PACSIN2: variants seen among roughly 807,000 people sequenced by gnomAD.
The protein encoded by PACSIN2 is protein kinase C and casein kinase substrate in neurons 2, also known as protein kinase C and casein kinase substrate in neurons protein 2.
In PACSIN2, 25 loss-of-function variants were observed where a neutral mutation model predicts 63.8. The ratio of observed to expected loss-of-function variants is 0.39; its 90% CI spans 0.29 to 0.55. PACSIN2 has a LOEUF of 0.55. Among genes scored for constraint, PACSIN2 ranks in the 20% least tolerant of loss-of-function variants. The pLI, the probability that PACSIN2 is intolerant of heterozygous loss-of-function variation, is 0.62. For synonymous variants in PACSIN2, 255 were observed against 256.2 expected (o/e 1.00, Z 0.05); for missense variants, 518 against 646.9 (o/e 0.80, Z 2.16).
chr22:42,953,598 T>C (rs969194394), intron 1 of PACSIN2, among the ~76,000 whole-genome samples: 6 of 152,150 alleles, frequency 3.9e-5, no homozygotes, highest in Admixed American at 6.5e-5. Flanking sequence ...CAGCTACAAT[T>C]TGAGAGCTAT....
chr22:42,955,851 G>A (rs1357051501), intron 1 of PACSIN2, among the ~76,000 whole-genome samples: 10 of 152,150 alleles, frequency 6.6e-5, no homozygotes, highest in Admixed American at 6.5e-4. Flanking sequence ...TACGCCCTGT[G>A]CTATTTTTTC....
In PACSIN2 at chr22:42,961,416, C is replaced by T. The variant is rs564400377; in HGVS notation, c.-77-49259G>A. Among the ~76,000 whole-genome samples the T allele has an allele frequency of 8.7e-5, 13 of 149,848 alleles. No individual in the cohort carries two copies. In the South Asian group the frequency reaches 2.5e-3, roughly 29 times the overall value. On this transcript the variant is annotated intron_variant, in intron 1 of 10. Coordinates refer to ENST00000263246, the MANE Select transcript of PACSIN2 (RefSeq NM_001184970.3). The stretch of plus-strand genomic sequence containing the variant: ...TTGTCCTATGACCCTGCCAAATCCC[C>T]CTCTGTGAGAAACACCCAAGAATGA...
At chr22:42,891,551 C>T (rs917014531) in intron 3 of PACSIN2, among the ~76,000 whole-genome samples, 1 of 152,150 alleles carries the variant, frequency 6.6e-6, no homozygotes, top group Admixed American at 6.5e-5. Context: ...CAGGTGCCCG[C>T]CACCACGCCT....
chr22:42,949,477 C>A (rs778514602), intron 1 of PACSIN2, among the ~76,000 whole-genome samples: 25 of 152,198 alleles, frequency 1.6e-4, no homozygotes, highest in Non-Finnish European at 2.1e-4. Context: ...CGCACACACA[C>A]ACACATTTTG....
At chr22:42,988,331 G>C (rs1922779725) in intron 1 of PACSIN2, among the ~76,000 whole-genome samples, 1 of 152,218 alleles carries the variant, frequency 6.6e-6, no homozygotes, top group Admixed American at 6.5e-5. Flanking sequence ...GGATGTGTGA[G>C]TGAGGGGTGG....
At chr22:42,886,415 T>TGTAG (rs78395694) in intron 5 of PACSIN2, among the ~76,000 whole-genome samples, 68,589 of 144,708 alleles carry the variant, frequency 0.47, 16,235 homozygotes, top group East Asian at 0.69. Flanking sequence ...ATGGTATGTA[T>TGTAG]GTAGGTAGGT....
chr22:42,945,352 C>G (rs1288683359), intron 1 of PACSIN2, among the ~76,000 whole-genome samples: 1 of 152,244 alleles, frequency 6.6e-6, no homozygotes. Context: ...GCTGCTGGCG[C>G]TCCCCAGGTT....
At chr22:42,882,487 G>A (rs1909175727) in intron 6 of PACSIN2, among the ~76,000 whole-genome samples, 183 bp from the exon 7 acceptor site, 1 of 152,152 alleles carries the variant, frequency 6.6e-6, no homozygotes, top group South Asian at 2.1e-4. Flanking sequence ...TGCACAGATG[G>A]CTCCTGACAA....
At chr22:43,005,630 T>A (rs1285993823) in intron 1 of PACSIN2, among the ~76,000 whole-genome samples, 1 of 152,192 alleles carries the variant, frequency 6.6e-6, no homozygotes, top group Non-Finnish European at 1.5e-5. Flanking sequence ...GAAGGATTTT[T>A]AAATAGAACT....
intron 1 of PACSIN2, among the ~76,000 whole-genome samples, chr22:42,922,494 C>T (rs985771365): frequency 1.3e-5 from 2 of 152,228 alleles, no homozygotes; most frequent in African/African-American, 4.8e-5. Flanking sequence ...CCTCTAACTG[C>T]AGAGGTAGGC....
intron 1 of PACSIN2, among the ~76,000 whole-genome samples, chr22:42,919,008 G>T (rs1265559859): frequency 1.3e-5 from 2 of 152,158 alleles, no homozygotes; most frequent in Non-Finnish European, 2.9e-5. Context: ...ATTCTTCCAG[G>T]TTGAGCCGAC....
chr22:42,880,090 C>T lies in PACSIN2; in HGVS notation c.907-921G>A, dbSNP rs191922535. ...GGTGTTTAATGAGCTCTCCTTCCCCCCATCTCCACCAGTTACCAGACAACT... is the reference window on the plus strand; with the variant it reads ...GGTGTTTAATGAGCTCTCCTTCCCCTCATCTCCACCAGTTACCAGACAACT... On this transcript the variant is annotated intron_variant, in intron 7 of 10. Coordinates refer to ENST00000263246, the MANE Select transcript of PACSIN2 (RefSeq NM_001184970.3). Among the ~76,000 whole-genome samples the T allele has an allele frequency of 4.7e-4, 72 of 152,336 alleles. No homozygotes were observed. The East Asian group carries it at 0.013, about 29-fold the overall frequency.
chr22:43,006,292 A>T (rs1924086930), intron 1 of PACSIN2, among the ~76,000 whole-genome samples: 1 of 152,214 alleles, frequency 6.6e-6, no homozygotes, highest in South Asian at 2.1e-4. Flanking sequence ...CATCTTTGTT[A>T]TAGCAGCCCC....
chr22:42,893,746 T>C, intron 2 of PACSIN2, 133 bp from the exon 3 acceptor site: 2 of 775,376 alleles, frequency 2.6e-6, no homozygotes, highest in Non-Finnish European at 2.1e-6. Context: ...TCTCCAAGAG[T>C]TTGAAAGGCA....
chr22:42,923,521 G>A (rs1807569), intron 1 of PACSIN2, among the ~76,000 whole-genome samples: 65,035 of 151,896 alleles, frequency 0.43, 14,518 homozygotes, highest in Non-Finnish European at 0.48. Flanking sequence ...TCCGCCTCCC[G>A]GGTTCACGCC....
intron 1 of PACSIN2, among the ~76,000 whole-genome samples, chr22:42,974,106 GCCTGGTGCCTGGCAGCTCACTGTTGT>G (rs1333308228): frequency 5.9e-5 from 9 of 152,144 alleles, no homozygotes; most frequent in Non-Finnish European, 1.0e-4. Context: ...AAAGCACCTG[GCCTGGTGCCTGGCAGCTCACTGTTGT>G]CCTGAAATCT....
chr22:43,009,429 G>C (rs1218996487), intron 1 of PACSIN2, among the ~76,000 whole-genome samples: 1 of 152,224 alleles, frequency 6.6e-6, no homozygotes, highest in Non-Finnish European at 1.5e-5. Context: ...AATATCACAG[G>C]TGAGAGGGAG....
chr22:43,014,090 C>T (rs1254531922), intron 1 of PACSIN2, among the ~76,000 whole-genome samples: 4 of 152,154 alleles, frequency 2.6e-5, no homozygotes, highest in African/African-American at 4.8e-5. Context: ...GAGCCGAAAC[C>T]CAATGAATCA....
At chr22:42,983,115 G>C (rs1033341159) in intron 1 of PACSIN2, among the ~76,000 whole-genome samples, 2 of 151,326 alleles carry the variant, frequency 1.3e-5, no homozygotes, top group Non-Finnish European at 2.9e-5. Flanking sequence ...TCACGAGTTC[G>C]AGACCAGCCT....
Sources: allele counts gnomAD v4.1 joint callset (sites outside exome capture counted in the v4.1 genomes callset), GRCh38; gene constraint gnomAD v4.1.1; transcripts MANE v1.5; gene names NCBI Gene and HGNC (gene_info 2026-07-23, HGNC 2026-07-21).